Variants in RBFOX1 observed in about 807,000 individuals in gnomAD.
The protein encoded by RBFOX1 is RNA binding fox-1 homolog 1.
Under a neutral mutation model 57.7 loss-of-function variants are expected in RBFOX1, and 8 were observed. The ratio of observed to expected loss-of-function variants is 0.14; its 90% CI spans 0.08 to 0.25. The LOEUF is 0.25. RBFOX1 is among the 10% of genes least tolerant of loss of function. RBFOX1 has a pLI of 1.00. For missense variants in RBFOX1, 611 were observed against 548.5 expected, an observed-to-expected ratio of 1.11 and a Z score of -1.14; for synonymous variants, 326 against 222.4, an observed-to-expected ratio of 1.47 and a Z score of -4.15.
At chr16:6,902,877 A>G (rs748787775) in intron 3 of RBFOX1, among the ~76,000 whole-genome samples, 18 of 152,198 alleles carry the variant, frequency 1.2e-4, no homozygotes, top group Non-Finnish European at 1.8e-4. Context: ...TTCATCAGAC[A>G]TTGACTAAGC....
At chr16:7,439,363 A>T (rs1598436977) in intron 4 of RBFOX1, among the ~76,000 whole-genome samples, 1 of 134,092 alleles carries the variant, frequency 7.5e-6, no homozygotes, top group African/African-American at 2.7e-5. Flanking sequence ...TGAAAGGCAG[A>T]TTAAAAAAAA....
At chr16:5,290,980 G>A (rs113542280) in intron 1 of RBFOX1, among the ~76,000 whole-genome samples, 5 of 152,230 alleles carry the variant, frequency 3.3e-5, no homozygotes, top group South Asian at 2.1e-4. Context: ...GATTACAGGC[G>A]TGAGCCACTG....
chr16:6,754,945 A>G (rs1369233640), intron 3 of RBFOX1, among the ~76,000 whole-genome samples: 1 of 152,104 alleles, frequency 6.6e-6, no homozygotes, highest in Non-Finnish European at 1.5e-5. Context: ...ATGACTGAGA[A>G]TATGCGGTGT....
intron 1 of RBFOX1, among the ~76,000 whole-genome samples, chr16:6,308,999 G>A (rs1227774446): frequency 6.6e-6 from 1 of 151,974 alleles, no homozygotes; most frequent in Non-Finnish European, 1.5e-5. Context: ...TTTCCCAGCT[G>A]AAAAGACTTA....
chr16:6,262,325 G>T (rs1012634922), intron 1 of RBFOX1, among the ~76,000 whole-genome samples: 4 of 152,070 alleles, frequency 2.6e-5, no homozygotes, highest in Non-Finnish European at 5.9e-5. Context: ...TCATTATCCC[G>T]AAATTAGTCA....
intron 4 of RBFOX1, among the ~76,000 whole-genome samples, chr16:7,262,400 T>A (rs991756150): frequency 1.3e-5 from 2 of 152,244 alleles, no homozygotes; most frequent in Non-Finnish European, 2.9e-5. Context: ...GTACCATTTC[T>A]GGAAAATACG....
intron 4 of RBFOX1, among the ~76,000 whole-genome samples, chr16:7,344,544 G>T (rs894845979): frequency 6.6e-6 from 1 of 150,974 alleles, no homozygotes; most frequent in Non-Finnish European, 1.5e-5. Context: ...GTGTAATACT[G>T]TATAATAGTT....
intron 3 of RBFOX1, among the ~76,000 whole-genome samples, chr16:6,739,736 G>A (rs2071477521): frequency 6.6e-6 from 1 of 152,008 alleles, no homozygotes; most frequent in South Asian, 2.1e-4. Flanking sequence ...AATTAGCTGG[G>A]CGTGGTGGCA....
Position 6,612,258 on chromosome 16 carries a change from T to G in RBFOX1, c.-63-42345T>G, listed in dbSNP as rs2098071238. On this transcript the variant is annotated intron_variant, in intron 2 of 15. Coordinates refer to ENST00000550418, the MANE Select transcript of RBFOX1 (RefSeq NM_018723.4). ...TCTTGACCAATATTCCCCTAAATGT[T>G]AAAATTTTGCATGATCACAACACAT... Among the ~76,000 whole-genome samples, 3 of 152,264 alleles carry G rather than the reference T, an allele frequency of 2.0e-5. 1 individual carries two copies. The South Asian group carries it at 6.2e-4, about 32-fold the overall frequency.
At chr16:5,434,360 T>TA (rs1428189778) in intron 1 of RBFOX1, among the ~76,000 whole-genome samples, 2 of 142,082 alleles carry the variant, frequency 1.4e-5, no homozygotes, top group Non-Finnish European at 3.0e-5. Context: ...CTTACTATGT[T>TA]ACCCAGGCTG....
intron 3 of RBFOX1, among the ~76,000 whole-genome samples, chr16:5,723,003 C>T (rs1355079460): frequency 6.6e-6 from 1 of 152,204 alleles, no homozygotes; most frequent in East Asian, 1.9e-4. Flanking sequence ...ATACTTAGGG[C>T]ACATAAGGCT....
intron 1 of RBFOX1, among the ~76,000 whole-genome samples, chr16:5,458,266 A>T (rs1450660493): frequency 1.3e-5 from 2 of 151,822 alleles, no homozygotes; most frequent in African/African-American, 2.4e-5. Flanking sequence ...CATGTGCTGC[A>T]TGTAGTCATT....
chr16:6,826,019 C>G (rs148223478), intron 3 of RBFOX1, among the ~76,000 whole-genome samples: 2 of 152,240 alleles, frequency 1.3e-5, no homozygotes, highest in East Asian at 3.9e-4. Flanking sequence ...GTAGGCCGAC[C>G]ACATCGTGGT....
chr16:6,885,856 G>T (rs1312929024), intron 3 of RBFOX1, among the ~76,000 whole-genome samples: 1 of 152,154 alleles, frequency 6.6e-6, no homozygotes, highest in South Asian at 2.1e-4. Context: ...TTATTTTAGA[G>T]AAATTCTAGA....
intron 2 of RBFOX1, among the ~76,000 whole-genome samples, chr16:6,499,659 A>G (rs1216123638): frequency 6.6e-6 from 1 of 151,930 alleles, no homozygotes; most frequent in Non-Finnish European, 1.5e-5. Flanking sequence ...CATTATTGTA[A>G]TGTGTCAACA....
rs796402805 is a variant in RBFOX1, at chr16:6,624,891, G to A, written c.-63-29712G>A. ...AGAAATGACATTCTGGGCTGGACGC[G>A]GTTGCTCACGCCTGTAATCCCAGCA... On this transcript the variant is annotated intron_variant, in intron 2 of 15. Transcript: ENST00000550418. Among the ~76,000 whole-genome samples the A allele has an allele frequency of 1.0e-3, 158 of 152,198 alleles. 1 individual carries two copies. The highest frequency in any genetic ancestry group is 3.4e-3 in the African/African-American group (140 of 41,532).
At chr16:6,248,769 GT>G (rs1409364312) in intron 1 of RBFOX1, among the ~76,000 whole-genome samples, 13 of 152,114 alleles carry the variant, frequency 8.5e-5, no homozygotes, top group African/African-American at 2.9e-4. Context: ...AGTCAAAGAA[GT>G]CACATGCATA....
chr16:6,638,774 G>A (rs928748979), intron 2 of RBFOX1, among the ~76,000 whole-genome samples: 6 of 152,136 alleles, frequency 3.9e-5, no homozygotes, highest in African/African-American at 1.4e-4. Flanking sequence ...ACTCCATGCT[G>A]GTTTGGTTGG....
intron 1 of RBFOX1, among the ~76,000 whole-genome samples, chr16:5,294,571 C>T (rs1195954702): frequency 6.6e-6 from 1 of 152,182 alleles, no homozygotes; most frequent in Admixed American, 6.5e-5. Context: ...CTCTGACCTG[C>T]CAAGTCAGAA....
Sources: allele counts gnomAD v4.1 joint callset (sites outside exome capture counted in the v4.1 genomes callset), GRCh38; gene constraint gnomAD v4.1.1; transcripts MANE v1.5; gene names NCBI Gene and HGNC (gene_info 2026-07-23, HGNC 2026-07-21).